The following IGFBP4 variants were observed in gnomAD, a reference collection of about 807,000 sequenced individuals.
IGFBP4 encodes insulin like growth factor binding protein 4, also known as insulin-like growth factor-binding protein 4.
Under a neutral mutation model 25.8 loss-of-function variants are expected in IGFBP4, and 9 were observed. The ratio of observed to expected loss-of-function variants is 0.35; its 90% CI spans 0.21 to 0.61. The LOEUF is 0.61. IGFBP4 is among the 20% of genes least tolerant of loss of function. The pLI is 0.77. For synonymous variants in IGFBP4, 153 were observed against 153.9 expected (o/e 0.99, Z 0.05); for missense variants, 315 against 365.3 (o/e 0.86, Z 1.12).
intron 1 of IGFBP4, among the ~76,000 whole-genome samples, chr17:40,447,086 C>G (rs957836340): frequency 4.6e-5 from 7 of 152,238 alleles, no homozygotes; most frequent in African/African-American, 1.7e-4. Context: ...TTTTTTCTGC[C>G]TTTTCCTTTT....
chr17:40,444,926 C>CACACACAGAG (rs1456516087), intron 1 of IGFBP4, among the ~76,000 whole-genome samples: 10 of 62,776 alleles, frequency 1.6e-4, no homozygotes, highest in African/African-American at 3.6e-4. Flanking sequence ...CACACACACA[C>CACACACAGAG]AGAGACAGAG....
intron 3 of IGFBP4, 65 bp downstream of exon 3, chr17:40,454,127 C>G: frequency 6.4e-7 from 1 of 1,557,374 alleles, no homozygotes; most frequent in South Asian, 1.2e-5. Flanking sequence ...GGCCTCTCCG[C>G]AGGATGGTCC....
chr17:40,454,853 C>G (rs192658003), intron 3 of IGFBP4, among the ~76,000 whole-genome samples: 1 of 152,144 alleles, frequency 6.6e-6, no homozygotes, highest in African/African-American at 2.4e-5. Flanking sequence ...TCTTTGTCGA[C>G]GTAGACAGAC....
At chr17:40,452,185 C>CAG (rs1196480574) in intron 1 of IGFBP4, among the ~76,000 whole-genome samples, 1 of 152,190 alleles carries the variant, frequency 6.6e-6, no homozygotes, top group Non-Finnish European at 1.5e-5. Flanking sequence ...GGAGATCCCA[C>CAG]AGAGGGGTTG....
chr17:40,456,603 G>C lies in IGFBP4; in HGVS notation c.*20G>C, dbSNP rs1488894047. The C allele has an allele frequency of 6.2e-7, 1 of 1,608,252 alleles. No homozygotes were observed. The highest frequency in any genetic ancestry group is 1.7e-5 in the Admixed American group (1 of 59,416). Reference sequence around the variant, plus strand: ...GAGTGAGGCCTGCCAGCAGGCCAGGGACTCAGCGTCCCCTGCTACTCCTGT... The same window carrying C: ...GAGTGAGGCCTGCCAGCAGGCCAGGCACTCAGCGTCCCCTGCTACTCCTGT... On this transcript the variant is annotated 3_prime_UTR_variant, in exon 4 of 4. Transcript: ENST00000269593.
In IGFBP4 at chr17:40,443,755, T is replaced by C; in HGVS notation, c.20T>C (p.Val7Ala). The change falls in exon 1 of 4, where the codon GTG becomes GCG. Residue 7 changes from valine to alanine, a missense_variant. Transcript: ENST00000269593. MLPLCL[V>A]AALLLAAGPG... is the part of the protein sequence containing the mutation. ...GCGGTCATGCTGCCCCTCTGCCTCG[T>C]GGCCGCCCTGCTGCTGGCCGCCGGG... 6.7e-7 allele frequency: 1 copy of C among 1,496,932 alleles called. No individual in the cohort carries two copies. Among genetic ancestry groups the C allele is most frequent in the Non-Finnish European group, 8.8e-7 (1 of 1,131,830 alleles). 92.7% of individuals were successfully genotyped at this position (1,496,932 alleles called of 1,614,324 possible). A position where few individuals can be genotyped will look rare whatever the true frequency, so the allele number is the denominator to read the frequency against.
chr17:40,455,607 G>A (rs909900243), intron 3 of IGFBP4, among the ~76,000 whole-genome samples: 1 of 151,864 alleles, frequency 6.6e-6, no homozygotes, highest in Admixed American at 6.6e-5. Context: ...CTTAGCTCCC[G>A]AGTAGCTGGG....
rs2035719991 is a variant in IGFBP4, at chr17:40,457,175, G to A, written c.*592G>A. 1 of 152,280 alleles carries A rather than the reference G, an allele frequency of 6.6e-6. No individual in the cohort carries two copies. Among genetic ancestry groups the A allele is most frequent in the Non-Finnish European group, 1.5e-5 (1 of 68,180 alleles). 9.4% of individuals were successfully genotyped at this position (152,280 alleles called of 1,614,324 possible). A position where few individuals can be genotyped will look rare whatever the true frequency, so the allele number is the denominator to read the frequency against. On this transcript the variant is annotated 3_prime_UTR_variant, in exon 4 of 4. Coordinates refer to ENST00000269593, the MANE Select transcript of IGFBP4 (RefSeq NM_001552.3). ...GCGTGGGGTAGCAGATGGAGTAATG[G>A]TCACGAGGTCCAGACCCACTCCCAA...
intron 1 of IGFBP4, among the ~76,000 whole-genome samples, chr17:40,451,094 C>T (rs1272164678): frequency 6.6e-6 from 1 of 152,130 alleles, no homozygotes; most frequent in African/African-American, 2.4e-5. Flanking sequence ...GCACAGTCCT[C>T]GTCTTCTGAA....
At chr17:40,451,445 C>G (rs1037797780) in intron 1 of IGFBP4, among the ~76,000 whole-genome samples, 1 of 151,566 alleles carries the variant, frequency 6.6e-6, no homozygotes, top group African/African-American at 2.4e-5. Context: ...CTCCCCACAC[C>G]CCCCAAACCA....
chr17:40,443,701 AGCGCCCCGCGCCC>A lies in IGFBP4; in HGVS notation c.-28_-16del. ...GCGCCCGCGCTCCCCGCCTGCGCCC[AGCGCCCCGCGCCC>A]GCGCCCAGTCCTCGGGCGGTCATGC... On this transcript the variant is annotated 5_prime_UTR_variant, in exon 1 of 4. Transcript: ENST00000269593. The A allele has an allele frequency of 7.9e-7, 1 of 1,264,352 alleles. No individual in the cohort carries two copies. The highest frequency in any genetic ancestry group is 1.0e-6 in the Non-Finnish European group (1 of 997,486). The allele number at this position is 1,264,352 out of a possible 1,614,324, so 78.3% of individuals were successfully genotyped here.
At chr17:40,452,047 A>G (rs1265444379) in intron 1 of IGFBP4, among the ~76,000 whole-genome samples, 2 of 152,120 alleles carry the variant, frequency 1.3e-5, no homozygotes, top group African/African-American at 4.8e-5. Context: ...CATGTTGCCT[A>G]GGCTGGTCTC....
intron 1 of IGFBP4, among the ~76,000 whole-genome samples, chr17:40,450,127 C>G (rs1233440363): frequency 6.6e-6 from 1 of 152,114 alleles, no homozygotes; most frequent in Non-Finnish European, 1.5e-5. Flanking sequence ...CCCACCTCAG[C>G]CTCCCAAGTA....
chr17:40,444,516 T>C (rs1029203387), intron 1 of IGFBP4, among the ~76,000 whole-genome samples: 8 of 151,994 alleles, frequency 5.3e-5, no homozygotes, highest in African/African-American at 1.9e-4. Flanking sequence ...GAAATCCCAG[T>C]GGTCTGGGGA....
chr17:40,446,344 A>G (rs962728106), intron 1 of IGFBP4, among the ~76,000 whole-genome samples: 15 of 148,448 alleles, frequency 1.0e-4, no homozygotes, highest in African/African-American at 3.7e-4. Flanking sequence ...GGCCGGGTGC[A>G]GTGGCTCACA....
intron 1 of IGFBP4, among the ~76,000 whole-genome samples, chr17:40,445,117 C>A (rs1161539522): frequency 6.6e-6 from 1 of 152,168 alleles, no homozygotes; most frequent in African/African-American, 2.4e-5. Flanking sequence ...CTCTCAACCT[C>A]TAGTTTCACT....
chr17:40,450,866 C>T (rs1385207792), intron 1 of IGFBP4, among the ~76,000 whole-genome samples: 2 of 152,134 alleles, frequency 1.3e-5, no homozygotes, highest in Non-Finnish European at 2.9e-5. Context: ...TCTCCACTCC[C>T]CAGTTCCAGC....
intron 1 of IGFBP4, among the ~76,000 whole-genome samples, chr17:40,448,062 T>C (rs751934540): frequency 9.2e-5 from 14 of 152,202 alleles, no homozygotes; most frequent in Non-Finnish European, 1.8e-4. Flanking sequence ...AAGGGCCTGG[T>C]ACCCAGCACC....
In IGFBP4 at chr17:40,443,681, C is replaced by A; in HGVS notation, c.-55C>A. Reference sequence around the variant, plus strand: ...GCCCTCCGCCGCTCGCCCGCGCGCCCGCGCTCCCCGCCTGCGCCCAGCGCC... The same window carrying A: ...GCCCTCCGCCGCTCGCCCGCGCGCCAGCGCTCCCCGCCTGCGCCCAGCGCC... On this transcript the variant is annotated 5_prime_UTR_variant, in exon 1 of 4. Transcript: ENST00000269593. The A allele has an allele frequency of 1.9e-6, 2 of 1,056,828 alleles. No individual in the cohort carries two copies. Among genetic ancestry groups the A allele is most frequent in the East Asian group, 4.2e-5 (1 of 23,752 alleles). The allele number at this position is 1,056,828 out of a possible 1,614,324, so 65.5% of individuals were successfully genotyped here. A position where few individuals can be genotyped will look rare whatever the true frequency, so the allele number is the denominator to read the frequency against.
Sources: gnomAD v4.1 joint callset for allele counts (sites outside exome capture counted in the v4.1 genomes callset) on GRCh38, gnomAD v4.1.1 for gene constraint, MANE v1.5 for transcripts, NCBI Gene and HGNC (gene_info 2026-07-23, HGNC 2026-07-21) for gene names.